The following RHBDF2 variants were observed in gnomAD, a reference collection of about 807,000 sequenced individuals.
RHBDF2 encodes the protein rhomboid 5 homolog 2.
RHBDF2 carries 38 observed loss-of-function variants against 95.2 expected under a neutral mutation model. The ratio of observed to expected loss-of-function variants is 0.40; its 90% CI spans 0.31 to 0.52. The LOEUF is 0.52. Ranked by LOEUF, RHBDF2 falls within the 20% of genes least tolerant of loss-of-function variation. The pLI is 0.56. For synonymous variants in RHBDF2, 442 were observed against 462.0 expected (o/e 0.96, Z 0.55); for missense variants, 863 against 1,137.7 (o/e 0.76, Z 3.47).
Position 76,474,367 on chromosome 17 carries a change from C to G in RHBDF2, c.1464+6G>C. On this transcript the variant is annotated splice_donor_region_variant and intron_variant, in intron 12 of 18. Coordinates refer to ENST00000675367, the MANE Select transcript of RHBDF2 (RefSeq NM_001005498.4). The stretch of plus-strand genomic sequence containing the variant: ...GGCAGGGGTAGGAGGGAGGGCCTGC[C>G]CCCACCGAGCAGTCCTTCCGCTGGG... 6.2e-7 allele frequency: 1 copy of G among 1,611,426 alleles called. No individual in the cohort carries two copies. Among genetic ancestry groups the G allele is most frequent in the South Asian group, 1.1e-5 (1 of 91,040 alleles).
intron 7 of RHBDF2, 63 bp downstream of exon 7, chr17:76,477,594 G>A (rs1471219170): frequency 9.6e-6 from 15 of 1,557,348 alleles, no homozygotes; most frequent in Non-Finnish European, 1.3e-5. Context: ...CAATGCCAAG[G>A]TCACCTCACC....
intron 1 of RHBDF2, 158 bp from the exon 2 acceptor site, chr17:76,488,067 G>C (rs751824527): frequency 6.6e-6 from 1 of 152,328 alleles, no homozygotes; most frequent in African/African-American, 2.4e-5. Flanking sequence ...GTGCCAAGCA[G>C]CGAGGGGCAC....
chr17:76,496,110 G>C (rs2074420761), intron 1 of RHBDF2, among the ~76,000 whole-genome samples: 1 of 152,204 alleles, frequency 6.6e-6, no homozygotes, highest in Non-Finnish European at 1.5e-5. Context: ...GGGTGCTGCA[G>C]AGCCTGCCTC....
At chr17:76,488,990 G>A (rs149556481) in intron 1 of RHBDF2, among the ~76,000 whole-genome samples, 1 of 151,558 alleles carries the variant, frequency 6.6e-6, no homozygotes, top group Non-Finnish European at 1.5e-5. Context: ...AATTAGCTGG[G>A]TGTGGTGGGC....
chr17:76,496,757 CT>C (rs928299922), intron 1 of RHBDF2, among the ~76,000 whole-genome samples: 23 of 150,226 alleles, frequency 1.5e-4, no homozygotes, highest in African/African-American at 4.1e-4. Flanking sequence ...TTCCAGATCT[CT>C]TTTTTTTTTC....
intron 2 of RHBDF2, among the ~76,000 whole-genome samples, chr17:76,484,250 C>T (rs1275474799): frequency 1.3e-5 from 2 of 151,880 alleles, no homozygotes; most frequent in East Asian, 1.9e-4. Flanking sequence ...GCAACAAGAG[C>T]GAAACTTCGT....
At chr17:76,499,559 C>T (rs1203086011) in intron 1 of RHBDF2, among the ~76,000 whole-genome samples, 1 of 152,208 alleles carries the variant, frequency 6.6e-6, no homozygotes, top group Non-Finnish European at 1.5e-5. Flanking sequence ...CACTCCAGGG[C>T]TCGTCAGCTA....
At chr17:76,486,634 A>T (rs184656917) in intron 2 of RHBDF2, among the ~76,000 whole-genome samples, 1 of 151,722 alleles carries the variant, frequency 6.6e-6, no homozygotes, top group Non-Finnish European at 1.5e-5. Context: ...GGATGGCTTG[A>T]GCTAGGAAGG....
chr17:76,478,823 C>A lies in RHBDF2; in HGVS notation c.655G>T (p.Ala219Ser). ...CCCCGCACCTTGAGGAGGGCAGCGG[C>A]AGCTTGCAAGCTCATGTGGGCCACA... is the stretch of plus-strand genomic sequence containing the variant. ...MSVAHMSLQA[A>S]AALLKGRSVL... The change falls in exon 6 of 19, where the codon GCC becomes TCC. Residue 219 changes from alanine (A) to serine (S), a missense_variant. Ala to Ser is a moderately conservative substitution (Grantham distance 99). Transcript: ENST00000675367. The A allele has an allele frequency of 6.2e-7, 1 of 1,612,868 alleles. No individual in the cohort carries two copies. Among genetic ancestry groups the A allele is most frequent in the African/African-American group, 1.3e-5 (1 of 75,028 alleles).
chr17:76,474,663 C>T (rs1306352170), intron 11 of RHBDF2, 67 bp downstream of exon 11: 12 of 1,613,600 alleles, frequency 7.4e-6, no homozygotes, highest in Non-Finnish European at 1.0e-5. Context: ...AGCCCACCTG[C>T]CCAGCTGGGA....
In RHBDF2 at chr17:76,477,762, G is replaced by A. The variant is rs370289284; in HGVS notation, c.696C>T (p.Thr232=). The A allele has an allele frequency of 1.5e-5, 24 of 1,612,766 alleles. No homozygotes were observed. In the African/African-American group the frequency reaches 2.0e-4, roughly 13 times the overall value. Residue 232 remains threonine, a synonymous_variant, in exon 7 of 19, where the codon ACC becomes ACT. Transcript: ENST00000675367. ...GCTTGACCACCCGGCACCGCTGTCC[G>A]GTGGCATCCAGCACCGAGCGCCCCT... The part of the protein sequence containing the change: ...LLKGRSVLDA[T]GQRCRVVKRS...
rs1239319836 is a variant in RHBDF2 at position 76,481,375 on chromosome 17, C to T, written c.150G>A (p.Glu50=). ...APGEQDSMLP[E]RKNPAYLKSV... ...TGAGCCCCCAGGCCAGCCCCCTTACCTCAGGCAGCATGCTGTCCTGCTCGC... is the reference window on the plus strand; with the variant it reads ...TGAGCCCCCAGGCCAGCCCCCTTACTTCAGGCAGCATGCTGTCCTGCTCGC... The change falls in exon 3 of 19, where the codon GAG becomes GAA. Residue 50 remains glutamate (E), a splice_region_variant and synonymous_variant. Coordinates refer to ENST00000675367, the MANE Select transcript of RHBDF2 (RefSeq NM_001005498.4). 2 of 1,610,596 alleles carry T rather than the reference C, an allele frequency of 1.2e-6. No individual in the cohort carries two copies. The highest frequency in any genetic ancestry group is 3.3e-5 in the Admixed American group (2 of 59,760).
chr17:76,472,543 G>A (rs1452478675), intron 18 of RHBDF2, 143 bp downstream of exon 18: 1 of 1,036,120 alleles, frequency 9.7e-7, no homozygotes, highest in South Asian at 1.3e-5. Flanking sequence ...CAGCCAGTAA[G>A]CCCCCAGATT....
intron 2 of RHBDF2, among the ~76,000 whole-genome samples, chr17:76,482,095 C>G (rs574547194): frequency 5.9e-4 from 90 of 151,990 alleles, no homozygotes; most frequent in African/African-American, 2.1e-3. Flanking sequence ...TATTTCTGAC[C>G]ATCATTTGCA....
In RHBDF2 at chr17:76,477,039, G is replaced by A. The variant is rs375068386; in HGVS notation, c.921-15C>T. On this transcript the variant is annotated splice_polypyrimidine_tract_variant and intron_variant, in intron 8 of 18. Coordinates refer to ENST00000675367, the MANE Select transcript of RHBDF2 (RefSeq NM_001005498.4). The stretch of plus-strand genomic sequence containing the variant: ...CATACTCCTTCCTGGTGGGGATGGT[G>A]GCTTTCAGCCTGAATCCCCCACCAA... 1.8e-4 allele frequency: 292 copies of A among 1,612,536 alleles called. No individual in the cohort carries two copies. The highest frequency in any genetic ancestry group is 2.2e-4 in the Non-Finnish European group (256 of 1,179,442).
chr17:76,484,968 G>A (rs1044344055), intron 2 of RHBDF2, among the ~76,000 whole-genome samples: 9 of 152,194 alleles, frequency 5.9e-5, no homozygotes, highest in Non-Finnish European at 1.0e-4. Context: ...AGCGTCTGGA[G>A]GAGCAAATGA....
At chr17:76,482,594 T>C (rs2074003816) in intron 2 of RHBDF2, among the ~76,000 whole-genome samples, 1 of 152,088 alleles carries the variant, frequency 6.6e-6, no homozygotes, top group East Asian at 1.9e-4. Flanking sequence ...GCCAACATGG[T>C]AAAACCCTGT....
chr17:76,476,859 C>T lies in RHBDF2; in HGVS notation c.1086G>A (p.Gln362=), dbSNP rs1174305581. The part of the protein sequence containing the change: ...SYRRSISSTV[Q]RQLESFDSHR... ...GGCTGTCGAAGCTCTCCAGCTGCCGCTGCACAGTGCTGCTGATGCTGCGGC... is the reference window on the plus strand; with the variant it reads ...GGCTGTCGAAGCTCTCCAGCTGCCGTTGCACAGTGCTGCTGATGCTGCGGC... Residue 362 remains glutamine (Q), a synonymous_variant, in exon 9 of 19, where the codon CAG becomes CAA. Transcript: ENST00000675367. 6.2e-7 allele frequency: 1 copy of T among 1,611,158 alleles called. No homozygotes were observed. Among genetic ancestry groups the T allele is most frequent in the Non-Finnish European group, 8.5e-7 (1 of 1,179,350 alleles).
At chr17:76,496,450 G>C (rs766337697) in intron 1 of RHBDF2, among the ~76,000 whole-genome samples, 10 of 152,220 alleles carry the variant, frequency 6.6e-5, no homozygotes, top group Admixed American at 3.3e-4. Flanking sequence ...TTGCCACCCT[G>C]GAACTGGTGA....
Sources: gnomAD v4.1 joint callset for allele counts (sites outside exome capture counted in the v4.1 genomes callset) on GRCh38, gnomAD v4.1.1 for gene constraint, MANE v1.5 for transcripts, NCBI Gene and HGNC (gene_info 2026-07-23, HGNC 2026-07-21) for gene names.